RIPOR2: variants seen among roughly 807,000 people sequenced by gnomAD.
RIPOR2 encodes the protein rho family-interacting cell polarization regulator 2.
Under a neutral mutation model 114.5 loss-of-function variants are expected in RIPOR2, and 39 were observed. That is an observed-to-expected ratio of 0.34 (90% CI 0.26 to 0.44). The LOEUF is 0.44. RIPOR2 is among the 20% of genes least tolerant of loss of function. The probability of loss-of-function intolerance (pLI) is 1.00; values close to 1 mark genes in which losing one functional copy is unlikely to be tolerated. For missense variants in RIPOR2, 1,007 were observed against 1,255.1 expected, an observed-to-expected ratio of 0.80 and a Z score of 2.99; for synonymous variants, 445 against 484.4, an observed-to-expected ratio of 0.92 and a Z score of 1.07.
intron 1 of RIPOR2, among the ~76,000 whole-genome samples, chr6:24,917,945 G>A (rs1770204530): frequency 6.6e-6 from 1 of 152,188 alleles, no homozygotes; most frequent in South Asian, 2.1e-4. Context: ...GTCTTCCAAG[G>A]TGATTTATTT....
chr6:24,888,011 G>T (rs913010441), intron 1 of RIPOR2, among the ~76,000 whole-genome samples: 7 of 147,682 alleles, frequency 4.7e-5, no homozygotes, highest in African/African-American at 1.8e-4. Context: ...ACACTACATG[G>T]CAAACCAGGA....
At chr6:24,956,781 G>C (rs1370185129) in intron 1 of RIPOR2, among the ~76,000 whole-genome samples, 1 of 152,192 alleles carries the variant, frequency 6.6e-6, no homozygotes, top group Non-Finnish European at 1.5e-5. Flanking sequence ...TCTGTGCCTT[G>C]CTTGCAAATA....
chr6:24,831,067 G>T (rs923572939), intron 16 of RIPOR2, among the ~76,000 whole-genome samples: 4 of 152,058 alleles, frequency 2.6e-5, no homozygotes, highest in African/African-American at 7.2e-5. Flanking sequence ...GGGTGTGTAT[G>T]TGGGGGGTCT....
rs1366151645 is a variant in RIPOR2 at position 24,948,552 on chromosome 6, A to G, written c.77-72735T>C. On this transcript the variant is annotated intron_variant, in intron 1 of 13. Coordinates refer to the RIPOR2 transcript ENST00000510784. The stretch of plus-strand genomic sequence containing the variant: ...TTCTTTCTTTTTTTTTTTTTTTGAG[A>G]TGGAGTTTCGCTCTTGTTGCCCAGG... Among the ~76,000 whole-genome samples the G allele has an allele frequency of 2.8e-5, 4 of 141,896 alleles. No homozygotes were observed. In the Admixed American group the frequency reaches 2.9e-4, roughly 10 times the overall value. The allele number at this position is 141,896 out of a possible 152,430, so 93.1% of individuals were successfully genotyped here.
chr6:25,023,579 T>C, intron 1 of RIPOR2: 1 of 769,838 alleles, frequency 1.3e-6, no homozygotes, highest in Non-Finnish European at 2.4e-6. Flanking sequence ...TTTGCACACC[T>C]CCCAGTCCAT....
chr6:24,916,026 G>A (rs1770052148), intron 1 of RIPOR2, among the ~76,000 whole-genome samples: 1 of 152,230 alleles, frequency 6.6e-6, no homozygotes, highest in South Asian at 2.1e-4. Flanking sequence ...AGTGTTGCCA[G>A]TAGAGAACTC....
upstream of RIPOR2, among the ~76,000 whole-genome samples, chr6:24,940,308 AG>A (rs1772056596): frequency 6.6e-6 from 1 of 152,248 alleles, no homozygotes; most frequent in South Asian, 2.1e-4. Flanking sequence ...TTCCAACAGA[AG>A]AGCCTCACAA....
intron 1 of RIPOR2, among the ~76,000 whole-genome samples, chr6:25,012,549 G>GTT (rs1775816579): frequency 6.6e-6 from 1 of 152,154 alleles, no homozygotes. Flanking sequence ...TCTATAAAAA[G>GTT]GATGAAAGTA....
intron 1 of RIPOR2, among the ~76,000 whole-genome samples, chr6:25,029,431 A>AAAAAAAAAAAAAG (rs1554133317): frequency 6.6e-6 from 1 of 151,174 alleles, no homozygotes; most frequent in African/African-American, 2.4e-5. Flanking sequence ...AAAAAAAAAA[A>AAAAAAAAAAAAAG]AAGAAGAAGA....
intron 1 of RIPOR2, among the ~76,000 whole-genome samples, chr6:24,897,704 A>G (rs998463587): frequency 6.6e-6 from 1 of 152,154 alleles, no homozygotes; most frequent in African/African-American, 2.4e-5. Context: ...TCTCATTACC[A>G]GAGGGCCTTA....
intron 1 of RIPOR2, among the ~76,000 whole-genome samples, chr6:25,026,670 A>G (rs1776640801): frequency 6.6e-6 from 1 of 152,264 alleles, no homozygotes; most frequent in African/African-American, 2.4e-5. Context: ...TCAGAATAAG[A>G]GTCCTGCAAT....
At chr6:24,871,272 G>A (rs1381699309) in intron 4 of RIPOR2, among the ~76,000 whole-genome samples, 4 of 152,082 alleles carry the variant, frequency 2.6e-5, no homozygotes, top group Admixed American at 1.3e-4. Flanking sequence ...TAAATGGTAC[G>A]AATATAAAAC....
intron 1 of RIPOR2, chr6:24,929,586 C>T (rs1225711946): frequency 6.6e-6 from 1 of 152,158 alleles, no homozygotes; most frequent in African/African-American, 2.4e-5. Flanking sequence ...CTCTGTCCTT[C>T]TGGTACTTGA....
At chr6:25,012,381 C>A (rs937696238) in intron 1 of RIPOR2, among the ~76,000 whole-genome samples, 2 of 152,070 alleles carry the variant, frequency 1.3e-5, no homozygotes, top group South Asian at 2.1e-4. Context: ...TAGGTATAAA[C>A]CCAAGAAAAA....
chr6:25,024,707 G>C (rs552985765), intron 1 of RIPOR2, among the ~76,000 whole-genome samples: 1 of 152,158 alleles, frequency 6.6e-6, no homozygotes, highest in Non-Finnish European at 1.5e-5. Context: ...CTTGCTCCCC[G>C]ACAATACTGC....
At chr6:25,026,371 G>A (rs767286683) in intron 1 of RIPOR2, among the ~76,000 whole-genome samples, 3 of 152,160 alleles carry the variant, frequency 2.0e-5, no homozygotes, top group Non-Finnish European at 4.4e-5. Context: ...TTTATGATAA[G>A]TCACATAGAG....
intron 20 of RIPOR2, among the ~76,000 whole-genome samples, chr6:24,810,483 C>T (rs1781070979): frequency 6.6e-6 from 1 of 152,124 alleles, no homozygotes; most frequent in African/African-American, 2.4e-5. Flanking sequence ...AATGACAATT[C>T]TTCTATTTGT....
At chr6:24,959,295 A>T (rs954230856) in intron 1 of RIPOR2, among the ~76,000 whole-genome samples, 8 of 152,180 alleles carry the variant, frequency 5.3e-5, no homozygotes. Context: ...ATGGGGACAA[A>T]ATTCAACTCA....
intron 20 of RIPOR2, among the ~76,000 whole-genome samples, chr6:24,810,127 C>T (rs1000646111): frequency 8.5e-5 from 13 of 152,116 alleles, no homozygotes; most frequent in East Asian, 3.8e-4. Context: ...CCACTGTGCC[C>T]GGCCAGCTGG....
Sources: gnomAD v4.1 joint callset for allele counts (sites outside exome capture counted in the v4.1 genomes callset) on GRCh38, gnomAD v4.1.1 for gene constraint, MANE v1.5 for transcripts, NCBI Gene and HGNC (gene_info 2026-07-23, HGNC 2026-07-21) for gene names.